The following FGF14 variants were observed in gnomAD, a reference collection of about 807,000 sequenced individuals.
FGF14 encodes fibroblast growth factor 14.
In FGF14, 5 loss-of-function variants were observed where a neutral mutation model predicts 25.5. The ratio of observed to expected loss-of-function variants is 0.20; its 90% CI spans 0.10 to 0.41. FGF14 has a LOEUF of 0.41. Among genes scored for constraint, FGF14 ranks in the 10% least tolerant of loss-of-function variants. FGF14 has a pLI of 1.00. For synonymous variants in FGF14, 138 were observed against 118.3 expected (o/e 1.17, Z -1.08); for missense variants, 222 against 320.1 (o/e 0.69, Z 2.34).
chr13:101,977,593 T>C (rs530818577), intron 1 of FGF14, among the ~76,000 whole-genome samples: 1 of 152,284 alleles, frequency 6.6e-6, no homozygotes, highest in African/African-American at 2.4e-5. Context: ...TTTATGTTTT[T>C]AATAGGATAC....
intron 1 of FGF14, among the ~76,000 whole-genome samples, chr13:102,094,965 C>T (rs1282152710): frequency 2.0e-5 from 3 of 152,050 alleles, no homozygotes; most frequent in Non-Finnish European, 4.4e-5. Context: ...ACTCATTATG[C>T]ATGGTACTTT....
intron 3 of FGF14, among the ~76,000 whole-genome samples, chr13:101,751,282 G>C (rs1299276396): frequency 6.6e-6 from 1 of 152,168 alleles, no homozygotes; most frequent in Non-Finnish European, 1.5e-5. Context: ...AAGGGAAATA[G>C]GTGGAGGGAG....
chr13:102,287,203 G>A (rs1480399684), intron 1 of FGF14, among the ~76,000 whole-genome samples: 1 of 152,212 alleles, frequency 6.6e-6, no homozygotes, highest in East Asian at 1.9e-4. Context: ...AAGAAGGCTA[G>A]TAACTCAAGG....
At chr13:102,399,087 T>C (rs1440201693) in intron 1 of FGF14, among the ~76,000 whole-genome samples, 4 of 152,076 alleles carry the variant, frequency 2.6e-5, no homozygotes, top group African/African-American at 9.7e-5. Context: ...TAAATTGTCA[T>C]TTGTTCCACA....
At chr13:102,068,910 T>C (rs1040131086) in intron 1 of FGF14, among the ~76,000 whole-genome samples, 3 of 148,258 alleles carry the variant, frequency 2.0e-5, no homozygotes, top group African/African-American at 7.7e-5. Flanking sequence ...CAGTGCAGGA[T>C]CCACTAGGTG....
chr13:102,193,611 C>T (rs777785131), intron 1 of FGF14, among the ~76,000 whole-genome samples: 12 of 152,284 alleles, frequency 7.9e-5, no homozygotes, highest in South Asian at 2.1e-4. Context: ...TCAGGAAAGA[C>T]TGGGAGAGTT....
intron 1 of FGF14, among the ~76,000 whole-genome samples, chr13:102,196,780 G>T (rs1325838315): frequency 6.6e-6 from 1 of 152,022 alleles, no homozygotes; most frequent in East Asian, 1.9e-4. Flanking sequence ...ATCACTAAAG[G>T]TTACTATTCC....
intron 1 of FGF14, among the ~76,000 whole-genome samples, chr13:102,341,369 C>T (rs1023495640): frequency 1.3e-5 from 2 of 152,260 alleles, no homozygotes; most frequent in South Asian, 4.1e-4. Flanking sequence ...ACAGAAAGTA[C>T]ATATACAATA....
intron 2 of FGF14, among the ~76,000 whole-genome samples, chr13:101,871,412 C>T (rs2045073723): frequency 6.6e-6 from 1 of 152,066 alleles, no homozygotes; most frequent in East Asian, 1.9e-4. Flanking sequence ...TGAAAAGCTC[C>T]TCAAATAACC....
chr13:101,808,961 T>G lies in FGF14; in HGVS notation c.408+59764A>C, dbSNP rs540256681. On this transcript the variant is annotated intron_variant, in intron 3 of 4. Transcript: ENST00000376143. ...GTGCAGCTCCTGGATACACCGCTGT[T>G]GAATTCATTTTACTCTCTTCCACTC... Among the ~76,000 whole-genome samples, 114 of 152,238 alleles carry G rather than the reference T, an allele frequency of 7.5e-4. 1 individual carries two copies. Among genetic ancestry groups the G allele is most frequent in the Non-Finnish European group, 1.3e-3 (90 of 67,984 alleles).
intron 3 of FGF14, among the ~76,000 whole-genome samples, chr13:101,833,550 C>T (rs2042780165): frequency 6.6e-6 from 1 of 151,966 alleles, no homozygotes; most frequent in South Asian, 2.1e-4. Context: ...TCAAGTTGTG[C>T]AAAGACACAA....
At chr13:101,997,818 G>A (rs2039269378) in intron 1 of FGF14, among the ~76,000 whole-genome samples, 11 of 152,060 alleles carry the variant, frequency 7.2e-5, no homozygotes, top group Admixed American at 5.9e-4. Flanking sequence ...CCCAAGGCTT[G>A]GGGTTTTTCA....
intron 1 of FGF14, among the ~76,000 whole-genome samples, chr13:102,260,376 G>A (rs1332965237): frequency 1.3e-5 from 2 of 152,200 alleles, no homozygotes; most frequent in African/African-American, 4.8e-5. Flanking sequence ...AATGAAGATT[G>A]AGAATCAAAT....
chr13:102,241,510 G>A (rs1054467308), intron 1 of FGF14, among the ~76,000 whole-genome samples: 1 of 152,098 alleles, frequency 6.6e-6, no homozygotes, highest in African/African-American at 2.4e-5. Context: ...AGATTTCTTT[G>A]TTGAATATCA....
intron 1 of FGF14, among the ~76,000 whole-genome samples, chr13:102,277,607 C>G (rs1466286567): frequency 6.6e-6 from 1 of 152,194 alleles, no homozygotes; most frequent in Non-Finnish European, 1.5e-5. Flanking sequence ...CCCATTACCC[C>G]GCTGGACAGC....
rs2048235250 is a variant in FGF14, at chr13:102,171,295, T to C, written c.208+230176A>G. 2.0e-5 allele frequency among the ~76,000 whole-genome samples: 3 copies of C among 152,262 alleles called. No individual in the cohort carries two copies. The South Asian group carries it at 6.2e-4, about 32-fold the overall frequency. On this transcript the variant is annotated intron_variant, in intron 1 of 4. Coordinates refer to the FGF14 transcript ENST00000376131. ...GACACTTACAACTTCCCAAGAACAG[T>C]AATGAGTTGGTCAACAAATGATTGC...
intron 1 of FGF14, among the ~76,000 whole-genome samples, chr13:101,953,421 G>A (rs2036297699): frequency 6.6e-6 from 1 of 151,874 alleles, no homozygotes; most frequent in Non-Finnish European, 1.5e-5. Flanking sequence ...GAACAAATGT[G>A]GCAGCAAAGT....
At chr13:102,074,627 C>T (rs2043287677) in intron 1 of FGF14, among the ~76,000 whole-genome samples, 1 of 152,106 alleles carries the variant, frequency 6.6e-6, no homozygotes, top group Non-Finnish European at 1.5e-5. Flanking sequence ...GAAAACGACA[C>T]TACAAGAAAA....
intron 3 of FGF14, among the ~76,000 whole-genome samples, chr13:101,734,400 A>C (rs2036031840): frequency 6.6e-6 from 1 of 152,248 alleles, no homozygotes; most frequent in South Asian, 2.1e-4. Context: ...AGATATTTTA[A>C]GATTATAAAT....
Sources: allele counts gnomAD v4.1 joint callset (sites outside exome capture counted in the v4.1 genomes callset), GRCh38; gene constraint gnomAD v4.1.1; transcripts MANE v1.5; gene names NCBI Gene and HGNC (gene_info 2026-07-23, HGNC 2026-07-21).